The following BORCS5 variants were observed in gnomAD, a reference collection of about 807,000 sequenced individuals.
BORCS5 encodes the protein BLOC-1 related complex subunit 5.
BORCS5 carries 17 observed loss-of-function variants against 22.1 expected under a neutral mutation model. That is an observed-to-expected ratio of 0.77 (90% CI 0.53 to 1.15). BORCS5 has a LOEUF of 1.15. Among genes scored for constraint, BORCS5 ranks in the 50% most tolerant of loss-of-function variants. The probability of loss-of-function intolerance (pLI) is 0.00; values close to 1 mark genes in which losing one functional copy is unlikely to be tolerated. For missense variants in BORCS5, 247 were observed against 253.2 expected, an observed-to-expected ratio of 0.98 and a Z score of 0.17; for synonymous variants, 117 against 99.8, an observed-to-expected ratio of 1.17 and a Z score of -1.03.
At chr12:12,368,932 A>G (rs1242089101) in intron 2 of BORCS5, among the ~76,000 whole-genome samples, 1 of 152,176 alleles carries the variant, frequency 6.6e-6, no homozygotes, top group Non-Finnish European at 1.5e-5. Context: ...GTTAATGGGT[A>G]TAGTGTTCTA....
At chr12:12,430,400 C>T (rs753643102) in intron 2 of BORCS5, among the ~76,000 whole-genome samples, 12 of 152,094 alleles carry the variant, frequency 7.9e-5, no homozygotes, top group South Asian at 2.1e-4. Flanking sequence ...ATTCGCCTGC[C>T]TTGGCCTCCC....
chr12:12,413,276 A>G (rs1444865275), intron 2 of BORCS5, among the ~76,000 whole-genome samples: 2 of 120,416 alleles, frequency 1.7e-5, no homozygotes, highest in Non-Finnish European at 3.5e-5. Flanking sequence ...GGGAGTGGTG[A>G]TGACTCTTAA....
rs550452341 is a variant in BORCS5 at position 12,366,326 on chromosome 12, C to T, written c.202+4977C>T. 3.1e-4 allele frequency among the ~76,000 whole-genome samples: 47 copies of T among 152,302 alleles called. No individual in the cohort carries two copies. The East Asian group carries it at 8.9e-3, about 29-fold the overall frequency. On this transcript the variant is annotated intron_variant, in intron 2 of 3. Transcript: ENST00000314565. Reference sequence around the variant, plus strand: ...GGTGGGTGATCTGCAGAGGCAGTGGCTGGGCGAGTTTGGGGCTATTTGTAT... The same window carrying T: ...GGTGGGTGATCTGCAGAGGCAGTGGTTGGGCGAGTTTGGGGCTATTTGTAT...
At position 12,465,809 on chromosome 12, in the gene BORCS5, C is replaced by G; in HGVS notation, c.*33C>G. 1 of 1,566,358 alleles carries G rather than the reference C, an allele frequency of 6.4e-7. No individual in the cohort carries two copies. The highest frequency in any genetic ancestry group is 2.3e-5 in the East Asian group (1 of 44,170). On this transcript the variant is annotated 3_prime_UTR_variant, in exon 4 of 4. Coordinates refer to ENST00000314565, the MANE Select transcript of BORCS5 (RefSeq NM_058169.6). ...CCGGCCTGCCTGGGGCTGGGAGCCC[C>G]AGACACCGACACCCTGAGGACGTGT...
In BORCS5 at chr12:12,396,587, T is replaced by C. The variant is rs563336744; in HGVS notation, c.202+35238T>C. ...TGTCACCGTACTGATGTGCTTAACATAGATGTAATGTTTTCTAGAGGGTAC... is the reference window on the plus strand; with the variant it reads ...TGTCACCGTACTGATGTGCTTAACACAGATGTAATGTTTTCTAGAGGGTAC... On this transcript the variant is annotated intron_variant, in intron 2 of 3. Transcript: ENST00000314565. Among the ~76,000 whole-genome samples the C allele has an allele frequency of 6.5e-4, 99 of 152,146 alleles. 1 individual carries two copies. In the South Asian group the frequency reaches 0.02, roughly 30 times the overall value.
At chr12:12,460,256 C>A (rs1240021148) in intron 3 of BORCS5, among the ~76,000 whole-genome samples, 1 of 152,204 alleles carries the variant, frequency 6.6e-6, no homozygotes, top group East Asian at 1.9e-4. Context: ...CTAAGTATTT[C>A]ATGTTGCCGA....
Position 12,402,028 on chromosome 12 carries a change from T to A in BORCS5, c.203-33600T>A, listed in dbSNP as rs1264520451. Among the ~76,000 whole-genome samples, 10 of 145,016 alleles carry A rather than the reference T, an allele frequency of 6.9e-5. No individual in the cohort carries two copies. In the Admixed American group the frequency reaches 7.0e-4, roughly 10 times the overall value. On this transcript the variant is annotated intron_variant, in intron 2 of 3. Transcript: ENST00000314565. ...TTGCAGTGAGCCAAGATGGCGCCAC[T>A]GCACTTCAGCCTGGGCTACAGAGCG...
At chr12:12,435,815 G>C in intron 3 of BORCS5, 30 bp downstream of exon 3, 1 of 1,597,616 alleles carries the variant, frequency 6.3e-7, no homozygotes, top group Non-Finnish European at 8.6e-7. Context: ...TAACATTGCT[G>C]ACTGGTTGTT....
chr12:12,424,868 T>G (rs556136592), intron 2 of BORCS5, among the ~76,000 whole-genome samples: 5 of 152,138 alleles, frequency 3.3e-5, no homozygotes, highest in Non-Finnish European at 7.3e-5. Flanking sequence ...AATATCCTGG[T>G]CTTTAATGTC....
intron 2 of BORCS5, among the ~76,000 whole-genome samples, chr12:12,431,403 C>CTTTTTTTTTTTTT (rs386375632): frequency 8.3e-6 from 1 of 121,098 alleles, no homozygotes; most frequent in Non-Finnish European, 1.6e-5. Flanking sequence ...TTTGCTAATT[C>CTTTTTTTTTTTTT]TTTTTTTTTT....
intron 2 of BORCS5, among the ~76,000 whole-genome samples, chr12:12,363,736 CAAAA>C (rs901258107): frequency 7.1e-6 from 1 of 140,434 alleles, no homozygotes; most frequent in Non-Finnish European, 1.6e-5. Flanking sequence ...GACTCCATCT[CAAAA>C]AAAAAAAATT....
intron 2 of BORCS5, among the ~76,000 whole-genome samples, chr12:12,401,982 C>T (rs1241677058): frequency 2.0e-5 from 3 of 149,528 alleles, no homozygotes; most frequent in Non-Finnish European, 3.0e-5. Context: ...AGGAGAATGG[C>T]GTGAACCCGG....
rs73287550 is a variant in BORCS5, at chr12:12,442,133, C to T, written c.360+6348C>T. On this transcript the variant is annotated intron_variant, in intron 3 of 3. Transcript: ENST00000314565. ...ATGAGGCTGGTGGCAAATACGCAGC[C>T]CCAGGAAGATGCAGCACAGACTTTT... Among the ~76,000 whole-genome samples the T allele has an allele frequency of 3.7e-3, 569 of 152,312 alleles. 6 individuals are homozygous for T. The highest frequency in any genetic ancestry group is 0.013 in the African/African-American group (530 of 41,560).
At chr12:12,381,514 G>C (rs1442593403) in intron 2 of BORCS5, among the ~76,000 whole-genome samples, 1 of 151,242 alleles carries the variant, frequency 6.6e-6, no homozygotes, top group African/African-American at 2.4e-5. Flanking sequence ...ATAAATGTAA[G>C]GGTTTATTTC....
At chr12:12,407,236 C>A (rs547516956) in intron 2 of BORCS5, among the ~76,000 whole-genome samples, 1 of 152,274 alleles carries the variant, frequency 6.6e-6, no homozygotes, top group South Asian at 2.1e-4. Context: ...TAGAAGAATC[C>A]TTCATCCCCC....
At chr12:12,458,982 T>TA (rs1565937404) in intron 3 of BORCS5, among the ~76,000 whole-genome samples, 3 of 151,268 alleles carry the variant, frequency 2.0e-5, no homozygotes, top group Admixed American at 2.0e-4. Context: ...AAAAAAGAAT[T>TA]AAAAAAAAGA....
At chr12:12,446,930 C>A (rs1942801497) in intron 3 of BORCS5, among the ~76,000 whole-genome samples, 1 of 152,154 alleles carries the variant, frequency 6.6e-6, no homozygotes. Flanking sequence ...TCATTTATAT[C>A]AAATGCAGCC....
At chr12:12,403,262 T>C (rs528533212) in intron 2 of BORCS5, among the ~76,000 whole-genome samples, 1 of 152,334 alleles carries the variant, frequency 6.6e-6, no homozygotes, top group African/African-American at 2.4e-5. Flanking sequence ...TATATTTAAC[T>C]AGTTTGCACA....
chr12:12,444,954 A>T (rs1438665265), intron 3 of BORCS5, among the ~76,000 whole-genome samples: 1 of 152,180 alleles, frequency 6.6e-6, no homozygotes, highest in African/African-American at 2.4e-5. Context: ...ACAACAAAAA[A>T]AACTCATAAT....
Sources: allele counts gnomAD v4.1 joint callset (sites outside exome capture counted in the v4.1 genomes callset), GRCh38; gene constraint gnomAD v4.1.1; transcripts MANE v1.5; gene names NCBI Gene and HGNC (gene_info 2026-07-23, HGNC 2026-07-21).